Variants in DIP2C observed in about 807,000 individuals in gnomAD.
DIP2C encodes the protein DIP2 acetate--CoA ligase C (putative).
A neutral mutation model predicts 192.4 loss-of-function variants in DIP2C; 33 were observed. The ratio of observed to expected loss-of-function variants is 0.17; its 90% confidence interval spans 0.13 to 0.23. The LOEUF is 0.23. Among genes scored for constraint, DIP2C ranks in the 10% least tolerant of loss-of-function variants. DIP2C has a pLI of 1.00. For missense variants in DIP2C, 1,537 were observed against 2,110.1 expected, an observed-to-expected ratio of 0.73 and a Z score of 5.32; for synonymous variants, 979 against 864.1, an observed-to-expected ratio of 1.13 and a Z score of -2.33.
At chr10:411,076 G>C (rs1171951887) in intron 8 of DIP2C, among the ~76,000 whole-genome samples, 1 of 152,210 alleles carries the variant, frequency 6.6e-6, no homozygotes, top group African/African-American at 2.4e-5. Context: ...GCGGGAGCTT[G>C]AGAGAGACAC....
intron 1 of DIP2C, among the ~76,000 whole-genome samples, chr10:643,127 G>A (rs923427179): frequency 6.6e-6 from 1 of 151,518 alleles, no homozygotes; most frequent in Admixed American, 6.6e-5. Context: ...GGCTTGAACC[G>A]GGAGGCAGAG....
At chr10:454,336 A>G (rs1227453885) in intron 3 of DIP2C, among the ~76,000 whole-genome samples, 1 of 152,220 alleles carries the variant, frequency 6.6e-6, no homozygotes, top group Non-Finnish European at 1.5e-5. Context: ...TACATTTAAC[A>G]GCGTTTCTTA....
chr10:550,586 G>C (rs1848531557), intron 1 of DIP2C, among the ~76,000 whole-genome samples: 1 of 152,128 alleles, frequency 6.6e-6, no homozygotes, highest in South Asian at 2.1e-4. Context: ...AATCAGATCT[G>C]TGACCTCCCA....
chr10:530,419 A>G (rs533176843), intron 1 of DIP2C, among the ~76,000 whole-genome samples: 1 of 152,242 alleles, frequency 6.6e-6, no homozygotes, highest in East Asian at 1.9e-4. Context: ...AAAGAAAGGG[A>G]AAAATAAAAG....
rs1954548191 is a variant in DIP2C, at chr10:276,887, A to T, written c.*438T>A. 6.2e-6 allele frequency: 1 copy of T among 161,408 alleles called. No individual in the cohort carries two copies. 10.0% of individuals were successfully genotyped at this position (161,408 alleles called of 1,614,324 possible). A position where few individuals can be genotyped will look rare whatever the true frequency, so the allele number is the denominator to read the frequency against. On this transcript the variant is annotated 3_prime_UTR_variant, in exon 37 of 37. Transcript: ENST00000280886. ...TTAGTAACAGATCCATGTCATTAAG[A>T]TTTCATGACACATTAAAACAGAGAA...
chr10:490,738 A>G (rs1844375001), intron 1 of DIP2C, among the ~76,000 whole-genome samples: 1 of 152,252 alleles, frequency 6.6e-6, no homozygotes, highest in Admixed American at 6.5e-5. Context: ...TGATCTCTTT[A>G]GAAACATTTT....
chr10:579,828 T>A (rs925223176), intron 1 of DIP2C, among the ~76,000 whole-genome samples: 5 of 151,922 alleles, frequency 3.3e-5, no homozygotes, highest in African/African-American at 1.2e-4. Context: ...TGTACATGCA[T>A]AGCATGTACA....
At chr10:671,241 A>C (rs1487981552) in intron 1 of DIP2C, among the ~76,000 whole-genome samples, 1 of 152,260 alleles carries the variant, frequency 6.6e-6, no homozygotes, top group Non-Finnish European at 1.5e-5. Flanking sequence ...GAGAGAAGCG[A>C]CGGCCTCCAG....
chr10:387,971 T>G (rs549695556), intron 13 of DIP2C, among the ~76,000 whole-genome samples, 162 bp from the exon 14 acceptor site: 2 of 152,304 alleles, frequency 1.3e-5, no homozygotes, highest in East Asian at 1.9e-4. Context: ...AGTAGGCCGG[T>G]TTGAGTGCCG....
chr10:638,284 A>C (rs1588651803), intron 1 of DIP2C, among the ~76,000 whole-genome samples: 1 of 152,368 alleles, frequency 6.6e-6, no homozygotes, highest in South Asian at 2.1e-4. Context: ...CAGGGTGATA[A>C]GTACTCAGTA....
At chr10:445,958 G>A (rs1257863780) in intron 3 of DIP2C, among the ~76,000 whole-genome samples, 3 of 151,070 alleles carry the variant, frequency 2.0e-5, no homozygotes, top group African/African-American at 7.4e-5. Flanking sequence ...GTATACATCT[G>A]TTGTGAAGAG....
intron 1 of DIP2C, among the ~76,000 whole-genome samples, chr10:609,624 G>A (rs1263157281): frequency 1.3e-5 from 2 of 152,170 alleles, no homozygotes; most frequent in East Asian, 1.9e-4. Flanking sequence ...TCCTTGATGT[G>A]ATTTAGTCTG....
intron 1 of DIP2C, among the ~76,000 whole-genome samples, chr10:648,931 G>A (rs1855678875): frequency 6.6e-6 from 1 of 150,498 alleles, no homozygotes; most frequent in Non-Finnish European, 1.5e-5. Context: ...TTGGATGGTG[G>A]GAGAGAACAG....
intron 4 of DIP2C, among the ~76,000 whole-genome samples, chr10:424,526 C>T (rs1046685696): frequency 9.9e-5 from 15 of 151,774 alleles, no homozygotes; most frequent in African/African-American, 9.7e-5. Context: ...CCACTATGAC[C>T]GGCTAATTTT....
Position 651,332 on chromosome 10 carries a change from A to G in DIP2C, c.85+38162T>C. ...CAACGTGGACACGATCCCATCAGGA[A>G]CCACCTACTTTTGCATCCCCAGCAC... On this transcript the variant is annotated intron_variant, in intron 1 of 36. Transcript: ENST00000280886. This position sits in a 1 kb window ranked among gnomAD's most constrained non-coding sequence, Gnocchi z 4.1. 1.4e-6 allele frequency: 1 copy of G among 704,290 alleles called. No individual in the cohort carries two copies. 43.6% of individuals were successfully genotyped at this position (704,290 alleles called of 1,614,324 possible).
At chr10:619,448 G>A (rs545935357) in intron 1 of DIP2C, among the ~76,000 whole-genome samples, 2 of 149,164 alleles carry the variant, frequency 1.3e-5, no homozygotes, top group African/African-American at 5.0e-5. Context: ...CATCTTCAGA[G>A]CCCACGGCAG....
At chr10:591,569 C>T (rs747769316) in intron 1 of DIP2C, among the ~76,000 whole-genome samples, 1 of 152,186 alleles carries the variant, frequency 6.6e-6, no homozygotes, top group Non-Finnish European at 1.5e-5. Context: ...CCAAAAATGC[C>T]AATTTGCACA....
At chr10:676,501 A>AT (rs903719839) in intron 1 of DIP2C, among the ~76,000 whole-genome samples, 3 of 151,276 alleles carry the variant, frequency 2.0e-5, no homozygotes, top group African/African-American at 7.3e-5. Context: ...GCTCTTATAT[A>AT]TTAAAAAAAA....
chr10:477,143 C>T (rs565450567), intron 2 of DIP2C, among the ~76,000 whole-genome samples: 1 of 145,290 alleles, frequency 6.9e-6, no homozygotes, highest in Non-Finnish European at 1.5e-5. Context: ...GAGGCCAGCA[C>T]AGGAAGAAGG....
Sources: gnomAD v4.1 joint callset for allele counts (sites outside exome capture counted in the v4.1 genomes callset) on GRCh38, gnomAD v4.1.1 for gene constraint, Gnocchi (gnomAD v3.1) non-coding constraint, MANE v1.5 for transcripts, NCBI Gene and HGNC (gene_info 2026-07-23, HGNC 2026-07-21) for gene names.